PLPP1: variants seen among roughly 807,000 people sequenced by gnomAD.
PLPP1 encodes phospholipid phosphatase 1, also known as lipid phosphate phosphohydrolase 1a.
A neutral mutation model predicts 31.2 loss-of-function variants in PLPP1; 24 were observed. That is an observed-to-expected ratio of 0.77 (90% CI 0.56 to 1.08). The LOEUF (loss-of-function observed/expected upper bound fraction) is 1.08. Ranked by LOEUF, PLPP1 falls within the 50% of genes least tolerant of loss-of-function variation. The pLI is 0.00. For synonymous variants in PLPP1, 146 were observed against 126.3 expected (o/e 1.16, Z -1.05); for missense variants, 319 against 342.7 (o/e 0.93, Z 0.55).
At chr5:55,494,967 CA>C (rs33994006) in intron 1 of PLPP1, among the ~76,000 whole-genome samples, 110 of 135,628 alleles carry the variant, frequency 8.1e-4, no homozygotes, top group African/African-American at 2.6e-3. Context: ...AAAAAAAATA[CA>C]AAAAAAAAAA....
intron 3 of PLPP1, among the ~76,000 whole-genome samples, chr5:55,443,193 ATATAT>A (rs1176810738): frequency 4.1e-5 from 1 of 24,572 alleles, no homozygotes; most frequent in Non-Finnish European, 9.7e-5. Context: ...AAAAAAAAAA[ATATAT>A]ATATATATAT....
chr5:55,425,940 G>C lies in PLPP1; in HGVS notation c.649C>G (p.Arg217Gly), dbSNP rs1385744531. The C allele has an allele frequency of 6.2e-7, 1 of 1,613,818 alleles. No individual in the cohort carries two copies. Among genetic ancestry groups the C allele is most frequent in the Non-Finnish European group, 8.5e-7 (1 of 1,179,972 alleles). Residue 217 changes from arginine to glycine, a missense_variant, in exon 5 of 6, where the codon CGA (arginine) becomes GGA (glycine). Physicochemically the swap from Arg to Gly is moderately radical, Grantham distance 125. Coordinates refer to ENST00000307259, the MANE Select transcript of PLPP1 (RefSeq NM_003711.4). ...VAVSIYVGLS[R>G]VSDYKHHWSD... Reference sequence around the variant, plus strand: ...CAGTGGTGTTTATAATCAGAAACTCGAGAAAGGCCCACATAAATGGATACG... The same window carrying C: ...CAGTGGTGTTTATAATCAGAAACTCCAGAAAGGCCCACATAAATGGATACG...
At chr5:55,486,659 A>C (rs1014563429) in intron 1 of PLPP1, among the ~76,000 whole-genome samples, 9 of 152,084 alleles carry the variant, frequency 5.9e-5, no homozygotes, top group Admixed American at 1.3e-4. Flanking sequence ...TCACGCCTGT[A>C]ATCCCAACAC....
chr5:55,500,111 G>A (rs1390381366), intron 1 of PLPP1, among the ~76,000 whole-genome samples: 22 of 130,024 alleles, frequency 1.7e-4, no homozygotes, highest in African/African-American at 5.4e-4. Flanking sequence ...ACAGAGTCTC[G>A]CTCTGTCACC....
At chr5:55,482,169 C>CAT (rs894964980) in intron 1 of PLPP1, among the ~76,000 whole-genome samples, 11 of 147,690 alleles carry the variant, frequency 7.4e-5, no homozygotes, top group Non-Finnish European at 1.2e-4. Flanking sequence ...ATATCTCATA[C>CAT]ATATATATAT....
chr5:55,503,222 G>GC (rs1012367431), intron 1 of PLPP1, among the ~76,000 whole-genome samples: 1 of 152,116 alleles, frequency 6.6e-6, no homozygotes, highest in African/African-American at 2.4e-5. Flanking sequence ...CTAATCAAAG[G>GC]CATTTACAGT....
chr5:55,480,166 C>T, intron 1 of PLPP1, among the ~76,000 whole-genome samples: 1 of 152,114 alleles, frequency 6.6e-6, no homozygotes. Flanking sequence ...AAACCCTTTT[C>T]CTTTCACCTG....
At chr5:55,439,426 C>CAGTG (rs1751570239) in intron 4 of PLPP1, among the ~76,000 whole-genome samples, 1 of 152,210 alleles carries the variant, frequency 6.6e-6, no homozygotes, top group South Asian at 2.1e-4. Flanking sequence ...TTCTCCCTGA[C>CAGTG]CACTTAGAAG....
rs184396045 is a variant in PLPP1, at chr5:55,518,625, A to G, written c.58+15947T>C. On this transcript the variant is annotated intron_variant, in intron 1 of 5. Transcript: ENST00000307259. The stretch of plus-strand genomic sequence containing the variant: ...ATACTTCAGTCTTCAACTTTTTCCT[A>G]TTTTATGCTGACAGTAACACTCACC... 9.9e-5 allele frequency among the ~76,000 whole-genome samples: 15 copies of G among 152,140 alleles called. No individual in the cohort carries two copies. The East Asian group carries it at 2.7e-3, about 27-fold the overall frequency.
At chr5:55,430,982 GCAGAACTT>G (rs1751335241) in intron 4 of PLPP1, among the ~76,000 whole-genome samples, 2 of 152,122 alleles carry the variant, frequency 1.3e-5, no homozygotes, top group African/African-American at 2.4e-5. Context: ...ACTGCATCAA[GCAGAACTT>G]CAGAACTTCA....
At chr5:55,443,997 T>C (rs1257705819) in intron 3 of PLPP1, among the ~76,000 whole-genome samples, 1 of 152,194 alleles carries the variant, frequency 6.6e-6, no homozygotes, top group East Asian at 1.9e-4. Context: ...ATACAGCTCT[T>C]AAGGATATCT....
Position 55,475,342 on chromosome 5 carries a change from T to G in PLPP1, c.167A>C (p.Tyr56Ser). ...KYPYKEDTIP[Y>S]ALLGGIIIPF... is the part of the protein sequence containing the mutation. ...AATGATTATTCCACCTAATAACGCATAAGGTATGGTGTCTTCTTTGTAAGG... is the reference window on the plus strand; with the variant it reads ...AATGATTATTCCACCTAATAACGCAGAAGGTATGGTGTCTTCTTTGTAAGG... Residue 56 changes from tyrosine (Y) to serine (S), a missense_variant, in exon 2 of 6, where the codon TAT becomes TCT. Tyr to Ser is a moderately radical substitution (Grantham distance 144, BLOSUM62 -2). Transcript: ENST00000307259. 1 of 1,612,642 alleles carries G rather than the reference T, an allele frequency of 6.2e-7. No individual in the cohort carries two copies. The highest frequency in any genetic ancestry group is 1.3e-5 in the African/African-American group (1 of 74,998).
intron 4 of PLPP1, among the ~76,000 whole-genome samples, chr5:55,440,394 T>G (rs1751595611): frequency 6.6e-6 from 1 of 152,212 alleles, no homozygotes; most frequent in Non-Finnish European, 1.5e-5. Context: ...GTCCTCGTGC[T>G]CTAATTAAAA....
At chr5:55,488,448 C>T (rs1752819676) in intron 1 of PLPP1, among the ~76,000 whole-genome samples, 2 of 151,896 alleles carry the variant, frequency 1.3e-5, no homozygotes, top group African/African-American at 4.8e-5. Context: ...GAATTCAAGA[C>T]CAGCCTGGCC....
chr5:55,529,268 A>ACT (rs1254918885), intron 1 of PLPP1, among the ~76,000 whole-genome samples: 1 of 37,188 alleles, frequency 2.7e-5, no homozygotes, highest in Non-Finnish European at 6.7e-5. Flanking sequence ...TACACACAAA[A>ACT]GTATATATAT....
At chr5:55,482,458 C>A (rs1752691853) in intron 1 of PLPP1, among the ~76,000 whole-genome samples, 1 of 152,050 alleles carries the variant, frequency 6.6e-6, no homozygotes, top group African/African-American at 2.4e-5. Flanking sequence ...TTATTAAACA[C>A]CTATTACATG....
intron 1 of PLPP1, among the ~76,000 whole-genome samples, chr5:55,510,247 C>T (rs532692423): frequency 6.6e-6 from 1 of 152,268 alleles, no homozygotes; most frequent in South Asian, 2.1e-4. Flanking sequence ...ACGCATTATG[C>T]TATGTGAAAG....
intron 1 of PLPP1, among the ~76,000 whole-genome samples, chr5:55,501,515 A>AT (rs1561248873): frequency 2.6e-5 from 4 of 151,910 alleles, no homozygotes; most frequent in African/African-American, 9.7e-5. Flanking sequence ...TTATTTATTT[A>AT]TTTTTTGAGA....
chr5:55,479,926 T>C (rs1752636518), intron 1 of PLPP1, among the ~76,000 whole-genome samples: 3 of 152,216 alleles, frequency 2.0e-5, no homozygotes. Flanking sequence ...TTTCTAGTTA[T>C]TTCCTTAAGA....
Sources: gnomAD v4.1 joint callset for allele counts (sites outside exome capture counted in the v4.1 genomes callset) on GRCh38, gnomAD v4.1.1 for gene constraint, MANE v1.5 for transcripts, NCBI Gene and HGNC (gene_info 2026-07-23, HGNC 2026-07-21) for gene names.